SDHAF3: variants seen among roughly 807,000 people sequenced by gnomAD.
The protein encoded by SDHAF3 is succinate dehydrogenase assembly factor 3, mitochondrial.
In SDHAF3, 18 loss-of-function variants were observed where a neutral mutation model predicts 11.5. That is an observed-to-expected ratio of 1.56 (90% confidence interval 1.08 to 2.32). The LOEUF is 2.32. Ranked by LOEUF, SDHAF3 falls within the 30% of genes most tolerant of loss-of-function variation. The pLI, the probability that SDHAF3 is intolerant of heterozygous loss-of-function variation, is 0.00. For synonymous variants in SDHAF3, 72 were observed against 59.3 expected (o/e 1.21, Z -0.99); for missense variants, 200 against 154.4 (o/e 1.30, Z -1.57).
intron 1 of SDHAF3, among the ~76,000 whole-genome samples, chr7:97,140,721 T>C (rs1295676276): frequency 2.6e-5 from 4 of 151,780 alleles, no homozygotes; most frequent in African/African-American, 9.7e-5. Context: ...AATTTCTTAA[T>C]CCCGTCATCT....
chr7:97,180,966 A>C (rs1482030233), intron 1 of SDHAF3, 46 bp from the exon 2 acceptor site: 56 of 1,504,906 alleles, frequency 3.7e-5, no homozygotes, highest in Non-Finnish European at 4.6e-5. Flanking sequence ...AATGTTAAAT[A>C]TTATTTAAAC....
chr7:97,117,795 C>T lies in SDHAF3; in HGVS notation c.72C>T (p.Pro24=), dbSNP rs1465892515. 1.2e-6 allele frequency: 2 copies of T among 1,614,176 alleles called. No homozygotes were observed. Among genetic ancestry groups the T allele is most frequent in the Admixed American group, 1.7e-5 (1 of 60,026 alleles). Residue 24 remains proline (P), a synonymous_variant, in exon 1 of 2, where the codon CCC becomes CCT. Coordinates refer to ENST00000432641, the MANE Select transcript of SDHAF3 (RefSeq NM_020186.3). ...KRVLQLHRVL[P]PDLKSLGDQY... ...TCTTGCAGCTGCACCGTGTTCTGCC[C>T]CCGGACCTCAAATCCCTGGGCGACC... is the stretch of plus-strand genomic sequence containing the variant.
At chr7:97,131,555 A>G (rs1424278411) in intron 1 of SDHAF3, among the ~76,000 whole-genome samples, 1 of 152,150 alleles carries the variant, frequency 6.6e-6, no homozygotes, top group Non-Finnish European at 1.5e-5. Context: ...AAGAGGGAAA[A>G]TATATTTTAC....
At chr7:97,171,417 A>T (rs1260408842) in intron 1 of SDHAF3, among the ~76,000 whole-genome samples, 1 of 152,124 alleles carries the variant, frequency 6.6e-6, no homozygotes, top group East Asian at 1.9e-4. Flanking sequence ...ATTTATGCCT[A>T]TTTTAAAGGG....
intron 1 of SDHAF3, among the ~76,000 whole-genome samples, chr7:97,159,949 TTGTC>T (rs948369457): frequency 7.9e-5 from 12 of 152,222 alleles, no homozygotes; most frequent in African/African-American, 2.4e-4. Context: ...TCTATGATTT[TTGTC>T]TGAGGATGGT....
At chr7:97,139,880 A>G (rs1562822882) in intron 1 of SDHAF3, among the ~76,000 whole-genome samples, 1 of 152,102 alleles carries the variant, frequency 6.6e-6, no homozygotes, top group Admixed American at 6.5e-5. Flanking sequence ...CTCCATTCCA[A>G]TTGTCAGTAC....
chr7:97,173,346 AG>A (rs1789633583), intron 1 of SDHAF3, among the ~76,000 whole-genome samples: 2 of 152,204 alleles, frequency 1.3e-5, no homozygotes, highest in African/African-American at 4.8e-5. Context: ...TAAAATGTAG[AG>A]AAAATATAAT....
At chr7:97,120,524 A>G (rs1791475914) in intron 1 of SDHAF3, among the ~76,000 whole-genome samples, 1 of 151,920 alleles carries the variant, frequency 6.6e-6, no homozygotes, top group Non-Finnish European at 1.5e-5. Context: ...TATCTAATTT[A>G]TGATTATGTT....
intron 1 of SDHAF3, among the ~76,000 whole-genome samples, chr7:97,153,274 C>T (rs1051199343): frequency 1.3e-5 from 2 of 152,124 alleles, no homozygotes; most frequent in Admixed American, 6.5e-5. Flanking sequence ...CCTTTTCTGG[C>T]GTGTTACATG....
chr7:97,148,798 G>C (rs1051865916), intron 1 of SDHAF3, among the ~76,000 whole-genome samples: 1 of 152,090 alleles, frequency 6.6e-6, no homozygotes, highest in African/African-American at 2.4e-5. Context: ...GATGATTAGT[G>C]ATTTGATCTA....
chr7:97,134,566 C>T (rs935874389), intron 1 of SDHAF3, among the ~76,000 whole-genome samples: 9 of 152,110 alleles, frequency 5.9e-5, no homozygotes, highest in African/African-American at 2.2e-4. Context: ...CCTGCCTCAG[C>T]CCCCCAAGTA....
At chr7:97,139,711 GA>G (rs1415778455) in intron 1 of SDHAF3, among the ~76,000 whole-genome samples, 3 of 152,230 alleles carry the variant, frequency 2.0e-5, no homozygotes, top group African/African-American at 7.2e-5. Flanking sequence ...AGGTTGACAG[GA>G]AGGAGACAAG....
chr7:97,136,424 G>T (rs182021362), intron 1 of SDHAF3: 126 of 641,850 alleles, frequency 2.0e-4, no homozygotes, highest in Non-Finnish European at 3.2e-4. Context: ...TATCTGAAAA[G>T]AAAATTTCTG....
At position 97,135,601 on chromosome 7, in the gene SDHAF3, GTC is replaced by G. The variant is rs1554351065; in HGVS notation, c.174+17706_174+17707del. The G allele has an allele frequency of 1.9e-4, 23 of 121,790 alleles. 1 individual carries two copies. The highest frequency in any genetic ancestry group is 2.7e-4 in the South Asian group (1 of 3,702). The allele number at this position is 121,790 out of a possible 1,614,324, so 7.5% of individuals were successfully genotyped here. On this transcript the variant is annotated intron_variant, in intron 1 of 1. Coordinates refer to ENST00000432641, the MANE Select transcript of SDHAF3 (RefSeq NM_020186.3). ...CCCATATGTGTGTGTGTGTGTGTGT[GTC>G]TGTGTGTGTGTGTGTGTGAGATGTA...
chr7:97,124,333 T>C (rs561103045), intron 1 of SDHAF3, among the ~76,000 whole-genome samples: 2 of 152,240 alleles, frequency 1.3e-5, no homozygotes, highest in African/African-American at 2.4e-5. Context: ...GAGGCCTCTG[T>C]TTTGTTCTAT....
chr7:97,133,341 A>C (rs1316532492), intron 1 of SDHAF3, among the ~76,000 whole-genome samples: 1 of 152,178 alleles, frequency 6.6e-6, no homozygotes, highest in Non-Finnish European at 1.5e-5. Context: ...GTGGACCTCT[A>C]TTAAGCTTTC....
Position 97,138,821 on chromosome 7 carries a change from T to C in SDHAF3, c.174+20924T>C, listed in dbSNP as rs539561061. Among the ~76,000 whole-genome samples the C allele has an allele frequency of 4.4e-4, 67 of 152,382 alleles. 1 individual carries two copies. In the South Asian group the frequency reaches 0.012, roughly 27 times the overall value. On this transcript the variant is annotated intron_variant, in intron 1 of 1. Coordinates refer to ENST00000432641, the MANE Select transcript of SDHAF3 (RefSeq NM_020186.3). ...ATTTTTTTGGTGCTGCTTTGCCAGC[T>C]GGGGACCTCTGTGGGCAGTGACACC...
At chr7:97,162,055 G>T (rs956700601) in intron 1 of SDHAF3, among the ~76,000 whole-genome samples, 1 of 152,208 alleles carries the variant, frequency 6.6e-6, no homozygotes, top group Non-Finnish European at 1.5e-5. Context: ...CACCAACAGT[G>T]TAAAAGTGTT....
At chr7:97,131,864 A>T in intron 1 of SDHAF3, among the ~76,000 whole-genome samples, 1 of 152,174 alleles carries the variant, frequency 6.6e-6, no homozygotes, top group Non-Finnish European at 1.5e-5. Flanking sequence ...GAGAATTTTA[A>T]ATTACTGTAG....
Sources: gnomAD v4.1 joint callset for allele counts (sites outside exome capture counted in the v4.1 genomes callset) on GRCh38, gnomAD v4.1.1 for gene constraint, MANE v1.5 for transcripts, NCBI Gene and HGNC (gene_info 2026-07-23, HGNC 2026-07-21) for gene names.